The following ITGAM variants were observed in gnomAD, a reference collection of about 807,000 sequenced individuals.
ITGAM encodes the protein integrin alpha-M.
ITGAM carries 79 observed loss-of-function variants against 137.5 expected under a neutral mutation model. The ratio of observed to expected loss-of-function variants is 0.57; its 90% confidence interval spans 0.48 to 0.69. The LOEUF is 0.69. Ranked by LOEUF, ITGAM falls within the 30% of genes least tolerant of loss-of-function variation. The probability of loss-of-function intolerance (pLI) is 0.00; values close to 1 mark genes in which losing one functional copy is unlikely to be tolerated. For missense variants in ITGAM, 1,343 were observed against 1,483.5 expected, an observed-to-expected ratio of 0.91 and a Z score of 1.56; for synonymous variants, 583 against 592.3, an observed-to-expected ratio of 0.98 and a Z score of 0.23.
chr16:31,262,974 C>T (rs1192193277), intron 2 of ITGAM, among the ~76,000 whole-genome samples: 1 of 152,114 alleles, frequency 6.6e-6, no homozygotes, highest in Non-Finnish European at 1.5e-5. Context: ...TAGAGACTCC[C>T]TCTGTCGCCC....
At chr16:31,288,080 A>G (rs945212256) in intron 12 of ITGAM, among the ~76,000 whole-genome samples, 3 of 152,148 alleles carry the variant, frequency 2.0e-5, no homozygotes, top group Non-Finnish European at 2.9e-5. Context: ...AGTGGCAGCT[A>G]AGCCAAGGCC....
intron 14 of ITGAM, among the ~76,000 whole-genome samples, chr16:31,302,557 C>T (rs1049865758): frequency 2.6e-4 from 38 of 148,006 alleles, no homozygotes; most frequent in Admixed American, 2.5e-3. Flanking sequence ...TGTTTTGAGA[C>T]GGAGTCTCGT....
chr16:31,330,874 TAGAC>T (rs776635897), intron 28 of ITGAM, among the ~76,000 whole-genome samples: 30 of 149,810 alleles, frequency 2.0e-4, no homozygotes, highest in East Asian at 1.4e-3. Context: ...GAGATGGAGA[TAGAC>T]AGAGAGATAG....
chr16:31,297,285 G>GC (rs1403526922), intron 12 of ITGAM, among the ~76,000 whole-genome samples: 1 of 152,064 alleles, frequency 6.6e-6, no homozygotes, highest in Non-Finnish European at 1.5e-5. Flanking sequence ...TCCCACTTCA[G>GC]CCCCCCGAGG....
At chr16:31,302,941 T>C (rs1214052824) in intron 14 of ITGAM, among the ~76,000 whole-genome samples, 1 of 104,908 alleles carries the variant, frequency 9.5e-6, no homozygotes, top group African/African-American at 3.5e-5. Context: ...TCTTTCTTTC[T>C]TTCTTTCTTT....
chr16:31,285,640 T>TA (rs968883060), intron 12 of ITGAM, among the ~76,000 whole-genome samples: 4 of 150,250 alleles, frequency 2.7e-5, no homozygotes, highest in Non-Finnish European at 3.0e-5. Context: ...TCATCTCAAT[T>TA]AAAAAAAAAA....
chr16:31,272,139 C>A, intron 7 of ITGAM, 147 bp downstream of exon 7: 1 of 914,638 alleles, frequency 1.1e-6, no homozygotes, highest in Non-Finnish European at 1.7e-6. Flanking sequence ...GTGTGTTCAT[C>A]AAAGGACAAG....
intron 14 of ITGAM, among the ~76,000 whole-genome samples, chr16:31,305,656 C>CT (rs34766924): frequency 6.6e-6 from 1 of 151,784 alleles, no homozygotes; most frequent in African/African-American, 2.4e-5. Flanking sequence ...TATTGAAAGC[C>CT]TTTTTTTAAT....
rs754200011 is a variant in ITGAM at position 31,331,652 on chromosome 16, G to T, written c.3404G>T (p.Arg1135Leu). 1 of 1,609,706 alleles carries T rather than the reference G, an allele frequency of 6.2e-7. No individual in the cohort carries two copies. Residue 1135 changes from arginine to leucine, a missense_variant, in exon 30 of 30, where the codon CGG becomes CTG. Coordinates refer to ENST00000544665, the MANE Select transcript of ITGAM (RefSeq NM_000632.4). ...AALYKLGFFK[R>L]QYKDMMSEGG... ...GCCCCGCAGCTCGGCTTCTTCAAGC[G>T]GCAATACAAGGACATGATGAGTGAA... is the stretch of plus-strand genomic sequence containing the variant.
At chr16:31,302,918 C>CTCTTTCTTTCTTTCTT (rs67320202) in intron 14 of ITGAM, among the ~76,000 whole-genome samples, 10 of 73,020 alleles carry the variant, frequency 1.4e-4, no homozygotes, top group African/African-American at 1.7e-4. Context: ...CTTTCCCTCC[C>CTCTTTCTTTCTTTCTT]TCTTTCTTTC....
rs760185560 is a variant in ITGAM, at chr16:31,276,729, C to T, written c.1068C>T (p.Ser356=). 14 of 1,611,042 alleles carry T rather than the reference C, an allele frequency of 8.7e-6. No individual in the cohort carries two copies. Among genetic ancestry groups the T allele is most frequent in the East Asian group, 2.2e-5 (1 of 44,830 alleles). The change falls in exon 10 of 30, where the codon AGC becomes AGT. Residue 356 remains serine, a synonymous_variant. Transcript: ENST00000544665. ...FEHEMSQEGF[S]AAITSNGPLL... is the part of the protein sequence containing the mutation. Reference sequence around the variant, plus strand: ...ATGAGATGTCTCAGGAAGGCTTCAGCGCTGCCATCACCTCTGTAAGTGGCC... The same window carrying T: ...ATGAGATGTCTCAGGAAGGCTTCAGTGCTGCCATCACCTCTGTAAGTGGCC...
Position 31,325,421 on chromosome 16 carries a change from C to T in ITGAM, c.2505+17C>T. On this transcript the variant is annotated intron_variant, in intron 20 of 29. Transcript: ENST00000544665. ...ACGCTCCAGGTAGCCACATCCTTCT[C>T]AGGCTCTATCTGACCTTTGCTTCCC... is the stretch of plus-strand genomic sequence containing the variant. 1 of 1,612,358 alleles carries T rather than the reference C, an allele frequency of 6.2e-7. No individual in the cohort carries two copies. Among genetic ancestry groups the T allele is most frequent in the Non-Finnish European group, 8.5e-7 (1 of 1,178,928 alleles).
In ITGAM at chr16:31,332,284, G is replaced by A. The variant is rs2080598704; in HGVS notation, c.*577G>A. 6.6e-6 allele frequency: 1 copy of A among 152,436 alleles called. No individual in the cohort carries two copies. Among genetic ancestry groups the A allele is most frequent in the East Asian group, 1.9e-4 (1 of 5,204 alleles). 9.4% of individuals were successfully genotyped at this position (152,436 alleles called of 1,614,324 possible). On this transcript the variant is annotated 3_prime_UTR_variant, in exon 30 of 30. Transcript: ENST00000544665. ...GCGAGCCTGCGGCCTGCTGGAGCCT[G>A]CGCAGCTTGGATGGAGACTCCATGA...
At chr16:31,264,728 A>G (rs2079744326) in intron 2 of ITGAM, among the ~76,000 whole-genome samples, 1 of 151,970 alleles carries the variant, frequency 6.6e-6, no homozygotes, top group South Asian at 2.1e-4. Flanking sequence ...TTTTGTAGAG[A>G]TGGGGTCTGG....
chr16:31,279,114 C>T (rs940737633), intron 12 of ITGAM, among the ~76,000 whole-genome samples: 3 of 152,326 alleles, frequency 2.0e-5, no homozygotes, highest in African/African-American at 7.2e-5. Context: ...ATATGTGCCA[C>T]ATTTTCTTAA....
chr16:31,330,421 G>A lies in ITGAM; in HGVS notation c.3174G>A (p.Lys1058=). ...KGNLSFDWYI[K]TSHNHLLIVS... is the part of the protein sequence containing the mutation. ...ACCTCTCGTTTGACTGGTACATCAA[G>A]GTGTGTGGGGTCCTGAGGCTTCGCC... Residue 1058 remains lysine, a splice_region_variant and synonymous_variant, in exon 27 of 30, where the codon AAG becomes AAA. Transcript: ENST00000544665. The A allele has an allele frequency of 6.2e-7, 1 of 1,612,794 alleles. No individual in the cohort carries two copies.
intron 14 of ITGAM, among the ~76,000 whole-genome samples, chr16:31,306,437 A>G (rs748597580): frequency 1.3e-5 from 2 of 152,196 alleles, no homozygotes; most frequent in Non-Finnish European, 2.9e-5. Flanking sequence ...TTTGATAAGA[A>G]TATCAGTGCA....
At chr16:31,310,848 G>A (rs1186129212) in intron 14 of ITGAM, among the ~76,000 whole-genome samples, 2 of 152,118 alleles carry the variant, frequency 1.3e-5, no homozygotes, top group African/African-American at 4.8e-5. Flanking sequence ...GGTCTTTGAT[G>A]ATGGTGACGT....
At position 31,260,109 on chromosome 16, in the gene ITGAM, TG is replaced by T; in HGVS notation, c.28+22del. The T allele has an allele frequency of 3.1e-5, 8 of 260,360 alleles. No individual in the cohort carries two copies. Among genetic ancestry groups the T allele is most frequent in the Non-Finnish European group, 5.3e-5 (7 of 131,872 alleles). 16.1% of individuals were successfully genotyped at this position (260,360 alleles called of 1,614,324 possible). A position where few individuals can be genotyped will look rare whatever the true frequency, so the allele number is the denominator to read the frequency against. ...TGTTAACAGGTGCATGGGGGTGGGG[TG>T]GGGGACTCTGGGTGGGGAGGAGGGT... On this transcript the variant is annotated intron_variant, in intron 1 of 29. Coordinates refer to ENST00000544665, the MANE Select transcript of ITGAM (RefSeq NM_000632.4).
Sources: allele counts gnomAD v4.1 joint callset (sites outside exome capture counted in the v4.1 genomes callset), GRCh38; gene constraint gnomAD v4.1.1; transcripts MANE v1.5; gene names NCBI Gene and HGNC (gene_info 2026-07-23, HGNC 2026-07-21).